SAMD12: variants seen among roughly 807,000 people sequenced by gnomAD.
The protein encoded by SAMD12 is sterile alpha motif domain containing 12.
Under a neutral mutation model 15.0 loss-of-function variants are expected in SAMD12, and 9 were observed. That is an observed-to-expected ratio of 0.60 (90% CI 0.36 to 1.05). The LOEUF is 1.05. Ranked by LOEUF, SAMD12 falls within the 50% of genes least tolerant of loss-of-function variation. The pLI is 0.01. For synonymous variants in SAMD12, 86 were observed against 90.1 expected (o/e 0.96, Z 0.25); for missense variants, 230 against 234.2 (o/e 0.98, Z 0.12).
rs568889568 is a variant in SAMD12, at chr8:118,331,996, A to G, written c.433+47564T>C. Among the ~76,000 whole-genome samples the G allele has an allele frequency of 4.6e-5, 7 of 152,324 alleles. No individual in the cohort carries two copies. The South Asian group carries it at 1.5e-3, about 32-fold the overall frequency. On this transcript the variant is annotated intron_variant, in intron 4 of 4. Coordinates refer to the SAMD12 transcript ENST00000409003. ...ACACCTGATAGTAACTATCAGAGGA[A>G]CTTAAGACAGGTACCACACCTTCCA... is the stretch of plus-strand genomic sequence containing the variant.
intron 4 of SAMD12, among the ~76,000 whole-genome samples, chr8:118,259,291 A>T (rs905257698): frequency 6.6e-6 from 1 of 152,144 alleles, no homozygotes; most frequent in East Asian, 1.9e-4. Context: ...AGAATGGTTA[A>T]GATTGAAAAA....
intron 4 of SAMD12, among the ~76,000 whole-genome samples, chr8:118,232,631 CCTTT>C (rs61453246): frequency 0.23 from 35,309 of 151,858 alleles, 4,886 homozygotes; most frequent in African/African-American, 0.39. Flanking sequence ...CTGCATAGCT[CCTTT>C]CTTTCCTCCT....
At chr8:118,155,470 A>T in the SAMD12 span, among the ~76,000 whole-genome samples, 89 of 152,356 alleles carry the variant, frequency 5.8e-4, 1 homozygote, top group African/African-American at 2.0e-3. Context: ...TATTGTATCC[A>T]GTGTAAAACT....
intron 3 of SAMD12, among the ~76,000 whole-genome samples, chr8:118,428,167 C>A (rs559574625): frequency 7.2e-4 from 110 of 152,088 alleles, no homozygotes; most frequent in Non-Finnish European, 1.3e-3. Flanking sequence ...TATACAAGTT[C>A]TTTTTTAGAT....
intron 3 of SAMD12, among the ~76,000 whole-genome samples, chr8:118,430,349 C>T (rs530554731): frequency 6.7e-6 from 1 of 150,302 alleles, no homozygotes; most frequent in East Asian, 2.0e-4. Flanking sequence ...GAGAATGTAA[C>T]CCTGTATCAT....
chr8:118,318,417 C>G (rs1816058552), intron 4 of SAMD12, among the ~76,000 whole-genome samples: 2 of 147,410 alleles, frequency 1.4e-5, no homozygotes, highest in African/African-American at 5.0e-5. Context: ...TCTTTTGTAG[C>G]AACTTGGATG....
At chr8:118,603,180 GAGAA>G (rs1220380773) in intron 1 of SAMD12, among the ~76,000 whole-genome samples, 4 of 151,950 alleles carry the variant, frequency 2.6e-5, no homozygotes, top group South Asian at 2.1e-4. Flanking sequence ...ATAAAAGCTG[GAGAA>G]AGAAAGAAGA....
intron 4 of SAMD12, among the ~76,000 whole-genome samples, chr8:118,264,546 G>A (rs1813155196): frequency 6.6e-6 from 1 of 152,256 alleles, no homozygotes; most frequent in Admixed American, 6.5e-5. Context: ...AAGTAATATT[G>A]CTGCCATCTG....
Position 118,378,511 on chromosome 8 carries a change from A to T in SAMD12, c.*906T>A, listed in dbSNP as rs1349667490. ...AAATCTATATTTATCCTTCTAGAAT[A>T]GTCATCTTTCAGGGAGCACATTATT... On this transcript the variant is annotated 3_prime_UTR_variant, in exon 4 of 4. Coordinates refer to ENST00000314727, the MANE Select transcript of SAMD12 (RefSeq NM_207506.3). 1 of 984,130 alleles carries T rather than the reference A, an allele frequency of 1.0e-6. No individual in the cohort carries two copies. The highest frequency in any genetic ancestry group is 1.2e-6 in the Non-Finnish European group (1 of 828,904). The allele number at this position is 984,130 out of a possible 1,614,324, so 61.0% of individuals were successfully genotyped here. A position where few individuals can be genotyped will look rare whatever the true frequency, so the allele number is the denominator to read the frequency against.
At chr8:118,574,331 T>C (rs1827096720) in intron 2 of SAMD12, among the ~76,000 whole-genome samples, 1 of 152,262 alleles carries the variant, frequency 6.6e-6, no homozygotes, top group Non-Finnish European at 1.5e-5. Flanking sequence ...AGACAAATAC[T>C]ATTAACTAAG....
Position 118,621,840 on chromosome 8 carries a change from T to C in SAMD12, c.-24A>G, listed in dbSNP as rs1288435877. The C allele has an allele frequency of 4.3e-6, 7 of 1,613,772 alleles. No homozygotes were observed. Among genetic ancestry groups the C allele is most frequent in the Non-Finnish European group, 5.9e-6 (7 of 1,179,800 alleles). ...ATTCTCTCAGAGCTTCCCTAACGCA[T>C]GCATAATTTTCTTGGCCGAGGTACT... On this transcript the variant is annotated 5_prime_UTR_variant, in exon 1 of 4. An upstream start codon of the reference 5' UTR is lost. Coordinates refer to ENST00000314727, the MANE Select transcript of SAMD12 (RefSeq NM_207506.3).
chr8:118,397,895 C>T (rs1160663326), intron 3 of SAMD12, among the ~76,000 whole-genome samples: 4 of 152,140 alleles, frequency 2.6e-5, no homozygotes, highest in Non-Finnish European at 4.4e-5. Context: ...TGGGCTCAAG[C>T]GATCCTCCCA....
At chr8:118,185,960 C>G (rs1563683596), downstream of SAMD12, among the ~76,000 whole-genome samples, 1 of 152,192 alleles carries the variant, frequency 6.6e-6, no homozygotes, top group Non-Finnish European at 1.5e-5. Context: ...AGAACATTGC[C>G]ATGAAGCACT....
intron 3 of SAMD12, among the ~76,000 whole-genome samples, chr8:118,408,673 C>A (rs1394885389): frequency 6.6e-6 from 1 of 152,058 alleles, no homozygotes; most frequent in East Asian, 1.9e-4. Context: ...AAAAAACAAT[C>A]CACTCAGTTA....
chr8:118,563,607 C>T (rs548601926), intron 2 of SAMD12, among the ~76,000 whole-genome samples: 187 of 152,292 alleles, frequency 1.2e-3, no homozygotes, highest in Admixed American at 2.5e-3. Flanking sequence ...AAATATCCTG[C>T]TTAAAGTACT....
intron 4 of SAMD12, among the ~76,000 whole-genome samples, chr8:118,314,776 G>A (rs797014702): frequency 3.3e-5 from 5 of 152,140 alleles, no homozygotes; most frequent in East Asian, 1.9e-4. Context: ...ATGTACCACT[G>A]TACATCCTTA....
intron 2 of SAMD12, among the ~76,000 whole-genome samples, chr8:118,442,429 G>A (rs1304880158): frequency 6.6e-6 from 1 of 152,208 alleles, no homozygotes; most frequent in Admixed American, 6.5e-5. Flanking sequence ...TCATACTGGG[G>A]TAATGGGCTG....
At chr8:118,278,455 T>G (rs1292758108) in intron 4 of SAMD12, among the ~76,000 whole-genome samples, 1 of 152,200 alleles carries the variant, frequency 6.6e-6, no homozygotes, top group Non-Finnish European at 1.5e-5. Context: ...AATGTGAATA[T>G]TTAAAGTGGA....
chr8:118,394,847 C>T (rs531436523), intron 3 of SAMD12: 2 of 152,298 alleles, frequency 1.3e-5, no homozygotes, highest in African/African-American at 2.4e-5. Context: ...GGAAGTCGAG[C>T]TCATACCATG....
Sources: allele counts gnomAD v4.1 joint callset (sites outside exome capture counted in the v4.1 genomes callset), GRCh38; gene constraint gnomAD v4.1.1; transcripts MANE v1.5; gene names NCBI Gene and HGNC (gene_info 2026-07-23, HGNC 2026-07-21).